ARB2A: variants seen among roughly 807,000 people sequenced by gnomAD.
The protein encoded by ARB2A is cotranscriptional regulator ARB2A.
the ARB2A span, among the ~76,000 whole-genome samples, chr5:93,985,294 T>A: frequency 6.6e-6 from 1 of 151,880 alleles, no homozygotes; most frequent in African/African-American, 2.4e-5. Flanking sequence ...GGATCTATCA[T>A]GGTTTAATCA....
chr5:93,997,891 TTC>T, the ARB2A span, among the ~76,000 whole-genome samples: 6 of 151,914 alleles, frequency 3.9e-5, no homozygotes, highest in Non-Finnish European at 5.9e-5. Flanking sequence ...ACTTCCAGAA[TTC>T]TGTCTAAATT....
the ARB2A span, among the ~76,000 whole-genome samples, chr5:93,977,131 C>T: frequency 3.1e-3 from 468 of 152,104 alleles, 1 homozygote; most frequent in Non-Finnish European, 4.4e-3. Flanking sequence ...GAATTTCATG[C>T]TAATGAGTTG....
At chr5:93,897,030 C>G in the ARB2A span, among the ~76,000 whole-genome samples, 1 of 152,024 alleles carries the variant, frequency 6.6e-6, no homozygotes, top group East Asian at 1.9e-4. Context: ...ACATCAAGTT[C>G]CTAATACATA....
chr5:93,683,004 CT>C, the ARB2A span: 1 of 1,580,660 alleles, frequency 6.3e-7, no homozygotes, highest in East Asian at 2.2e-5. Flanking sequence ...GAACTAGGTC[CT>C]TTTGGTGTTT....
the ARB2A span, among the ~76,000 whole-genome samples, chr5:93,882,281 CTT>C: frequency 6.6e-6 from 1 of 151,272 alleles, no homozygotes; most frequent in Non-Finnish European, 1.5e-5. Context: ...ATTTTATTCA[CTT>C]TGTTTCTCAC....
At chr5:94,090,900 T>C in the ARB2A span, among the ~76,000 whole-genome samples, 1 of 152,216 alleles carries the variant, frequency 6.6e-6, no homozygotes, top group South Asian at 2.1e-4. Flanking sequence ...AATTGCCTAG[T>C]AATTTTCCAA....
chr5:93,805,142 T>C, the ARB2A span: 1 of 983,586 alleles, frequency 1.0e-6, no homozygotes, highest in Non-Finnish European at 1.2e-6. Context: ...AATACAAACA[T>C]GGTAACTTCT....
At chr5:93,681,694 T>C in the ARB2A span, among the ~76,000 whole-genome samples, 53 of 152,208 alleles carry the variant, frequency 3.5e-4, no homozygotes, top group Non-Finnish European at 6.8e-4. Context: ...TGTGGCTACA[T>C]TGCATAAGTT....
the ARB2A span, among the ~76,000 whole-genome samples, chr5:93,682,490 G>C: frequency 6.7e-6 from 1 of 148,948 alleles, no homozygotes; most frequent in African/African-American, 2.5e-5. Flanking sequence ...AATAAATTTT[G>C]ATTAGGCAAA....
the ARB2A span, among the ~76,000 whole-genome samples, chr5:94,064,108 A>C: frequency 6.6e-6 from 1 of 152,122 alleles, no homozygotes; most frequent in East Asian, 1.9e-4. Context: ...TCAGAAAAAC[A>C]ACTCAGGATA....
chr5:93,793,132 G>A, the ARB2A span, among the ~76,000 whole-genome samples: 1 of 151,740 alleles, frequency 6.6e-6, no homozygotes, highest in South Asian at 2.1e-4. Flanking sequence ...AAGTGCAGTG[G>A]TAGGATCACA....
the ARB2A span, among the ~76,000 whole-genome samples, chr5:93,994,112 T>C: frequency 6.6e-6 from 1 of 152,016 alleles, no homozygotes; most frequent in African/African-American, 2.4e-5. Context: ...AAGAGGTTCC[T>C]CAAAAAAATT....
At chr5:93,631,116 C>T in the ARB2A span, among the ~76,000 whole-genome samples, 1 of 151,978 alleles carries the variant, frequency 6.6e-6, no homozygotes, top group Admixed American at 6.5e-5. Context: ...AACTCCTGAG[C>T]TCAGGCGATC....
chr5:93,856,848 G>A, the ARB2A span, among the ~76,000 whole-genome samples: 1 of 152,010 alleles, frequency 6.6e-6, no homozygotes. Context: ...TTTGAAGGAG[G>A]AGAGGTGCTC....
the ARB2A span, among the ~76,000 whole-genome samples, chr5:93,720,478 C>A: frequency 6.6e-6 from 1 of 152,152 alleles, no homozygotes; most frequent in African/African-American, 2.4e-5. Flanking sequence ...TCTTTAAGAT[C>A]TGGATGCTAT....
the ARB2A span, among the ~76,000 whole-genome samples, chr5:94,094,189 A>C: frequency 6.6e-6 from 1 of 152,220 alleles, no homozygotes; most frequent in Non-Finnish European, 1.5e-5. Context: ...TTGCTTAAAC[A>C]AGATAAATTT....
At chr5:94,086,118 A>G in the ARB2A span, among the ~76,000 whole-genome samples, 1 of 152,228 alleles carries the variant, frequency 6.6e-6, no homozygotes, top group South Asian at 2.1e-4. Context: ...GGTGTTAATT[A>G]TATTATACTA....
At chr5:93,660,898 G>T in the ARB2A span, among the ~76,000 whole-genome samples, 2 of 152,148 alleles carry the variant, frequency 1.3e-5, no homozygotes, top group Non-Finnish European at 2.9e-5. Flanking sequence ...GTCAGAGTCT[G>T]CCCTGTCTGA....
the ARB2A span, among the ~76,000 whole-genome samples, chr5:93,630,510 A>G: frequency 6.6e-6 from 1 of 152,194 alleles, no homozygotes; most frequent in Admixed American, 6.5e-5. Context: ...TCAGCAGCAG[A>G]CACTTTGCAT....
Sources: gnomAD v4.1 joint callset for allele counts (sites outside exome capture counted in the v4.1 genomes callset) on GRCh38, gnomAD v4.1.1 for gene constraint, MANE v1.5 for transcripts, NCBI Gene and HGNC (gene_info 2026-07-23, HGNC 2026-07-21) for gene names.